The following SZRD1 variants were observed in gnomAD, a reference collection of about 807,000 sequenced individuals.
SZRD1 encodes the protein SUZ RNA binding domain containing 1.
In SZRD1, 7 loss-of-function variants were observed where a neutral mutation model predicts 17.6. The ratio of observed to expected loss-of-function variants is 0.40; its 90% CI spans 0.23 to 0.75. The LOEUF is 0.75. SZRD1 is among the 30% of genes least tolerant of loss of function. SZRD1 has a pLI of 0.38. For synonymous variants in SZRD1, 77 were observed against 77.9 expected, an observed-to-expected ratio of 0.99 and a Z score of 0.06; for missense variants, 178 against 201.8, an observed-to-expected ratio of 0.88 and a Z score of 0.71.
At chr1:16,369,814 A>G (rs1299220333) in intron 1 of SZRD1, among the ~76,000 whole-genome samples, 2 of 150,362 alleles carry the variant, frequency 1.3e-5, no homozygotes, top group African/African-American at 2.4e-5. Context: ...GCTTGAACCT[A>G]GGAGGCGGAG....
At chr1:16,388,013 T>G (rs1460355096) in intron 1 of SZRD1, among the ~76,000 whole-genome samples, 2 of 152,220 alleles carry the variant, frequency 1.3e-5, no homozygotes, top group East Asian at 3.8e-4. Flanking sequence ...TTCAGCATTC[T>G]TTGGCACCAA....
chr1:16,378,809 C>T (rs938793889), intron 1 of SZRD1, among the ~76,000 whole-genome samples: 1 of 151,792 alleles, frequency 6.6e-6, no homozygotes, highest in African/African-American at 2.4e-5. Context: ...TCATTACAAC[C>T]TCCACCCTCT....
At chr1:16,389,366 G>A (rs868846486) in intron 1 of SZRD1, among the ~76,000 whole-genome samples, 46 of 151,974 alleles carry the variant, frequency 3.0e-4, no homozygotes, top group Middle Eastern at 3.4e-3. Flanking sequence ...CCGGGTTCAC[G>A]CCATTCTCCT....
chr1:16,385,020 A>G (rs924061764), intron 1 of SZRD1, among the ~76,000 whole-genome samples: 1 of 152,210 alleles, frequency 6.6e-6, no homozygotes, highest in East Asian at 1.9e-4. Context: ...AGAAAGGCAA[A>G]TCATTTGGGA....
At chr1:16,380,966 A>G (rs2083090656) in intron 1 of SZRD1, among the ~76,000 whole-genome samples, 1 of 151,480 alleles carries the variant, frequency 6.6e-6, no homozygotes, top group South Asian at 2.1e-4. Flanking sequence ...ATGTGCTTGT[A>G]ATCCCAGCTG....
Position 16,391,988 on chromosome 1 carries a change from C to A in SZRD1, c.101+564C>A, listed in dbSNP as rs993535617. 1.3e-5 allele frequency among the ~76,000 whole-genome samples: 2 copies of A among 151,984 alleles called. No individual in the cohort carries two copies. Among genetic ancestry groups the A allele is most frequent in the Non-Finnish European group, 2.9e-5 (2 of 67,996 alleles). On this transcript the variant is annotated intron_variant, in intron 2 of 3. Coordinates refer to ENST00000401088, the MANE Select transcript of SZRD1 (RefSeq NM_001114600.3). This position sits in a 1 kb window ranked among gnomAD's most constrained non-coding sequence, Gnocchi z 4.3. ...GCTTTCTGCTTTTGGGCTTAGGGAA[C>A]CTGTTGGTTTTCCATAGGTACAAGG... is the stretch of plus-strand genomic sequence containing the variant.
chr1:16,372,860 G>A (rs61770588), intron 1 of SZRD1, among the ~76,000 whole-genome samples: 12,745 of 152,242 alleles, frequency 0.084, 702 homozygotes, highest in Non-Finnish European at 0.12. Context: ...TAGTGGGGGA[G>A]TCAGACAGGT....
Position 16,393,516 on chromosome 1 carries a change from C to T in SZRD1, c.356+34C>T. The T allele has an allele frequency of 6.3e-7, 1 of 1,575,510 alleles. No homozygotes were observed. Among genetic ancestry groups the T allele is most frequent in the Non-Finnish European group, 8.6e-7 (1 of 1,163,032 alleles). ...GGCTGGCAGGGCCGGCCAGTGATGG[C>T]TGTCCCAGTCCACCCGGGAAGAGGA... On this transcript the variant is annotated intron_variant, in intron 3 of 3. Coordinates refer to ENST00000401088, the MANE Select transcript of SZRD1 (RefSeq NM_001114600.3). This position sits in a 1 kb window ranked among gnomAD's most constrained non-coding sequence, Gnocchi z 5.6.
At chr1:16,373,586 A>AGGC (rs1435609234) in intron 1 of SZRD1, among the ~76,000 whole-genome samples, 3 of 151,778 alleles carry the variant, frequency 2.0e-5, no homozygotes, top group Non-Finnish European at 2.9e-5. Context: ...TCTCAAAAAA[A>AGGC]AAAAAAAAAC....
At chr1:16,372,342 A>T (rs932403917) in intron 1 of SZRD1, among the ~76,000 whole-genome samples, 6 of 152,056 alleles carry the variant, frequency 3.9e-5, no homozygotes, top group Non-Finnish European at 7.4e-5. Context: ...GCATGGTGGC[A>T]GGTGCCTGTA....
rs1223069497 is a variant in SZRD1, at chr1:16,396,092, C to T, written c.*952C>T. 3 of 152,668 alleles carry T rather than the reference C, an allele frequency of 2.0e-5. No individual in the cohort carries two copies. The highest frequency in any genetic ancestry group is 7.2e-5 in the African/African-American group (3 of 41,468). 9.5% of individuals were successfully genotyped at this position (152,668 alleles called of 1,614,324 possible). A position where few individuals can be genotyped will look rare whatever the true frequency, so the allele number is the denominator to read the frequency against. ...AGAGTGCCAGGGAGTGAGATTGCAT[C>T]CCTGGGCTTAGAAGTGACGGAGAGA... On this transcript the variant is annotated 3_prime_UTR_variant, in exon 4 of 4. Transcript: ENST00000401088.
chr1:16,367,733 A>C (rs2082846653), intron 1 of SZRD1: 2 of 181,604 alleles, frequency 1.1e-5, no homozygotes, highest in East Asian at 1.4e-4. Flanking sequence ...CCAAGGAGGC[A>C]TGTCCGGCTT....
At chr1:16,379,642 A>C (rs1225113827) in intron 1 of SZRD1, among the ~76,000 whole-genome samples, 2 of 152,176 alleles carry the variant, frequency 1.3e-5, no homozygotes, top group African/African-American at 2.4e-5. Context: ...ATCCAGTTCA[A>C]ATTCTGGCTC....
intron 1 of SZRD1, among the ~76,000 whole-genome samples, chr1:16,376,612 C>T: frequency 6.6e-6 from 1 of 151,996 alleles, no homozygotes; most frequent in African/African-American, 2.4e-5. Context: ...TCCAGATCAG[C>T]CTGGCCAACA....
chr1:16,389,110 G>A (rs1218678900), intron 1 of SZRD1, among the ~76,000 whole-genome samples: 2 of 136,002 alleles, frequency 1.5e-5, no homozygotes, highest in Non-Finnish European at 3.1e-5. Flanking sequence ...TTGAGACAGA[G>A]TCTCGCTCTG....
chr1:16,386,011 C>A (rs1404815959), intron 1 of SZRD1, among the ~76,000 whole-genome samples: 1 of 152,186 alleles, frequency 6.6e-6, no homozygotes, highest in Non-Finnish European at 1.5e-5. Flanking sequence ...AAGCTTGTGT[C>A]CCATTTCTGT....
intron 1 of SZRD1, among the ~76,000 whole-genome samples, chr1:16,370,540 T>A (rs1235143420): frequency 1.0e-5 from 1 of 98,080 alleles, no homozygotes; most frequent in Non-Finnish European, 2.6e-5. Context: ...TTTTTTTTAA[T>A]TTTTTTTTTA....
At chr1:16,373,999 C>G (rs772935977) in intron 1 of SZRD1, among the ~76,000 whole-genome samples, 11 of 152,184 alleles carry the variant, frequency 7.2e-5, no homozygotes, top group Non-Finnish European at 1.5e-4. Flanking sequence ...CCGCTTCACT[C>G]TGGGGTCCCC....
intron 1 of SZRD1, among the ~76,000 whole-genome samples, chr1:16,388,813 A>G (rs1257254614): frequency 6.7e-6 from 1 of 149,404 alleles, no homozygotes; most frequent in Non-Finnish European, 1.5e-5. Flanking sequence ...ACGCCTGGAT[A>G]ATTGTTGAAT....
Sources: gnomAD v4.1 joint callset for allele counts (sites outside exome capture counted in the v4.1 genomes callset) on GRCh38, gnomAD v4.1.1 for gene constraint, Gnocchi (gnomAD v3.1) non-coding constraint, MANE v1.5 for transcripts, NCBI Gene and HGNC (gene_info 2026-07-23, HGNC 2026-07-21) for gene names.